Variants in FMNL2 observed in about 807,000 individuals in gnomAD.
FMNL2 encodes formin-like protein 2.
FMNL2 carries 51 observed loss-of-function variants against 130.2 expected under a neutral mutation model. The observed-to-expected ratio is 0.39, with a 90% confidence interval of 0.31 to 0.49. The LOEUF is 0.49. Ranked by LOEUF, FMNL2 falls within the 20% of genes least tolerant of loss-of-function variation. The pLI, the probability that FMNL2 is intolerant of heterozygous loss-of-function variation, is 0.85. For synonymous variants in FMNL2, 465 were observed against 467.1 expected (o/e 1.00, Z 0.06); for missense variants, 977 against 1,316.2 (o/e 0.74, Z 3.99).
chr2:152,406,630 C>G (rs1381564449), intron 1 of FMNL2, among the ~76,000 whole-genome samples: 1 of 152,090 alleles, frequency 6.6e-6, no homozygotes, highest in Non-Finnish European at 1.5e-5. Context: ...GGAAGTGTAC[C>G]TTTTATCTGA....
At chr2:152,363,525 T>C (rs778522853) in intron 1 of FMNL2, among the ~76,000 whole-genome samples, 32 of 152,116 alleles carry the variant, frequency 2.1e-4, no homozygotes, top group Non-Finnish European at 4.1e-4. Flanking sequence ...CGGATTTTGG[T>C]ATCTTCAGTG....
In FMNL2 at chr2:152,649,798, G is replaced by A. The variant is rs1683923281; in HGVS notation, c.*1893G>A. On this transcript the variant is annotated 3_prime_UTR_variant, in exon 26 of 26. Transcript: ENST00000288670. ...CTTTTCTGGTCTTTTCATGGCATATGAGCAAATAATAAACTATTTACACTA... is the reference window on the plus strand; with the variant it reads ...CTTTTCTGGTCTTTTCATGGCATATAAGCAAATAATAAACTATTTACACTA... The A allele has an allele frequency of 6.6e-6, 1 of 152,602 alleles. No individual in the cohort carries two copies. Among genetic ancestry groups the A allele is most frequent in the South Asian group, 2.1e-4 (1 of 4,832 alleles). 9.5% of individuals were successfully genotyped at this position (152,602 alleles called of 1,614,324 possible).
intron 1 of FMNL2, among the ~76,000 whole-genome samples, chr2:152,392,201 C>A (rs960677520): frequency 6.6e-6 from 1 of 152,004 alleles, no homozygotes; most frequent in Admixed American, 6.6e-5. Flanking sequence ...TTTCAAACCC[C>A]TGTTTTCTCA....
chr2:152,606,208 A>C (rs1698349251), intron 9 of FMNL2, among the ~76,000 whole-genome samples: 1 of 152,252 alleles, frequency 6.6e-6, no homozygotes, highest in African/African-American at 2.4e-5. Context: ...CACAAATGGA[A>C]TCAGAAAATT....
At chr2:152,374,638 A>G (rs1201066417) in intron 1 of FMNL2, among the ~76,000 whole-genome samples, 2 of 152,238 alleles carry the variant, frequency 1.3e-5, no homozygotes, top group Non-Finnish European at 2.9e-5. Context: ...GACATAGACC[A>G]GCTGGGAGGT....
intron 10 of FMNL2, 111 bp downstream of exon 10, chr2:152,607,524 G>T (rs1698442151): frequency 3.8e-6 from 3 of 797,100 alleles, no homozygotes; most frequent in Admixed American, 2.4e-5. Context: ...TATTACAAAG[G>T]ACAGGGAATT....
intron 1 of FMNL2, among the ~76,000 whole-genome samples, chr2:152,377,664 A>G (rs1424303672): frequency 6.6e-6 from 1 of 152,178 alleles, no homozygotes; most frequent in Admixed American, 6.5e-5. Flanking sequence ...GCTCTATGGA[A>G]TAAGACTCTA....
At chr2:152,426,681 A>AT (rs35773838) in intron 1 of FMNL2, among the ~76,000 whole-genome samples, 30,189 of 147,844 alleles carry the variant, frequency 0.2, 3,194 homozygotes, top group Middle Eastern at 0.37. Flanking sequence ...TGATACTGAG[A>AT]TTTTTTTTTT....
At chr2:152,378,664 T>C (rs1220071380) in intron 1 of FMNL2, among the ~76,000 whole-genome samples, 1 of 152,200 alleles carries the variant, frequency 6.6e-6, no homozygotes, top group African/African-American at 2.4e-5. Context: ...CAAAAAATGA[T>C]CACAATGTGG....
At chr2:152,396,028 TAG>T (rs1347580336) in intron 1 of FMNL2, among the ~76,000 whole-genome samples, 1 of 152,216 alleles carries the variant, frequency 6.6e-6, no homozygotes, top group Non-Finnish European at 1.5e-5. Flanking sequence ...TTTGTCACTA[TAG>T]AGAGTGAATG....
chr2:152,571,585 C>T (rs1696172137), intron 6 of FMNL2, among the ~76,000 whole-genome samples: 1 of 152,206 alleles, frequency 6.6e-6, no homozygotes, highest in Admixed American at 6.5e-5. Flanking sequence ...TAGTTTGCCA[C>T]AGAGGTACTC....
chr2:152,374,243 A>C (rs766436941), intron 1 of FMNL2, among the ~76,000 whole-genome samples: 1 of 152,208 alleles, frequency 6.6e-6, no homozygotes, highest in Non-Finnish European at 1.5e-5. Flanking sequence ...TCCAAAGTGG[A>C]AGAATAACCA....
intron 9 of FMNL2, among the ~76,000 whole-genome samples, chr2:152,587,522 A>T (rs1281264223): frequency 6.6e-6 from 1 of 152,220 alleles, no homozygotes; most frequent in African/African-American, 2.4e-5. Context: ...AAAACTTTAT[A>T]AACTTTTTGA....
At chr2:152,495,980 T>TAA (rs1221159389) in intron 1 of FMNL2, among the ~76,000 whole-genome samples, 2 of 151,212 alleles carry the variant, frequency 1.3e-5, no homozygotes, top group African/African-American at 2.4e-5. Context: ...GTGGCAAGAT[T>TAA]AATTTTAAAA....
Position 152,566,958 on chromosome 2 carries a change from A to G in FMNL2, c.596+5923A>G, listed in dbSNP as rs1400137604. Among the ~76,000 whole-genome samples, 2 of 152,166 alleles carry G rather than the reference A, an allele frequency of 1.3e-5. 1 individual carries two copies. Among genetic ancestry groups the G allele is most frequent in the South Asian group, 4.1e-4 (2 of 4,832 alleles). Reference sequence around the variant, plus strand: ...TAAGACCGCATGCTTCCTTTAGGAGACAGTGAAGAGATGAGCCTGGCTGCA... The same window carrying G: ...TAAGACCGCATGCTTCCTTTAGGAGGCAGTGAAGAGATGAGCCTGGCTGCA... On this transcript the variant is annotated intron_variant, in intron 6 of 25. Coordinates refer to ENST00000288670, the MANE Select transcript of FMNL2 (RefSeq NM_052905.4).
chr2:152,614,065 A>G (rs1698821396), intron 11 of FMNL2, among the ~76,000 whole-genome samples: 1 of 152,196 alleles, frequency 6.6e-6, no homozygotes, highest in Non-Finnish European at 1.5e-5. Flanking sequence ...AAGGCTAAGT[A>G]TAAACTCTGT....
At chr2:152,486,223 A>T (rs781225386) in intron 1 of FMNL2, among the ~76,000 whole-genome samples, 1 of 152,218 alleles carries the variant, frequency 6.6e-6, no homozygotes, top group Non-Finnish European at 1.5e-5. Flanking sequence ...ATCGCTGTAA[A>T]GTTAATGTAA....
intron 10 of FMNL2, 55 bp downstream of exon 10, chr2:152,607,468 AAT>A (rs1698433296): frequency 2.2e-6 from 2 of 907,716 alleles, no homozygotes; most frequent in Non-Finnish European, 1.6e-6. Flanking sequence ...TTTTTTTCTA[AAT>A]ACACACACAC....
chr2:152,510,926 T>C (rs1692466075), intron 1 of FMNL2, among the ~76,000 whole-genome samples: 1 of 152,242 alleles, frequency 6.6e-6, no homozygotes, highest in Admixed American at 6.5e-5. Context: ...ACTGTGTGTT[T>C]GGATAGGGCA....
Sources: allele counts gnomAD v4.1 joint callset (sites outside exome capture counted in the v4.1 genomes callset), GRCh38; gene constraint gnomAD v4.1.1; transcripts MANE v1.5; gene names NCBI Gene and HGNC (gene_info 2026-07-23, HGNC 2026-07-21).